The following SNTB2 variants were observed in gnomAD, a reference collection of about 807,000 sequenced individuals.
The protein encoded by SNTB2 is syntrophin beta 2.
In SNTB2, 34 loss-of-function variants were observed where a neutral mutation model predicts 46.2. The ratio of observed to expected loss-of-function variants is 0.74; its 90% confidence interval spans 0.56 to 0.98. The LOEUF is 0.98. SNTB2 is among the 50% of genes least tolerant of loss of function. SNTB2 has a pLI of 0.00. For missense variants in SNTB2, 603 were observed against 731.4 expected (o/e 0.82, Z 2.02); for synonymous variants, 290 against 312.6 (o/e 0.93, Z 0.76).
intron 1 of SNTB2, among the ~76,000 whole-genome samples, chr16:69,189,646 G>A (rs11645913): frequency 0.28 from 41,992 of 151,992 alleles, 6,445 homozygotes; most frequent in African/African-American, 0.4. Flanking sequence ...CTGAGGCAGG[G>A]GAATCGTTTG....
chr16:69,282,484 C>T (rs1965059487), intron 4 of SNTB2, among the ~76,000 whole-genome samples: 1 of 152,044 alleles, frequency 6.6e-6, no homozygotes. Flanking sequence ...GTTTTGATTA[C>T]TGTAGCTTTA....
intron 1 of SNTB2, among the ~76,000 whole-genome samples, chr16:69,221,110 G>A (rs530903701): frequency 2.6e-5 from 4 of 152,140 alleles, no homozygotes; most frequent in African/African-American, 7.2e-5. Flanking sequence ...ATATAGTAAC[G>A]CTTATTGTGG....
At chr16:69,252,372 A>G (rs771379457) in intron 2 of SNTB2, among the ~76,000 whole-genome samples, 8 of 152,168 alleles carry the variant, frequency 5.3e-5, no homozygotes, top group Non-Finnish European at 1.2e-4. Context: ...CTTATTAAAT[A>G]ATGATGAAGT....
intron 1 of SNTB2, among the ~76,000 whole-genome samples, chr16:69,238,105 A>T (rs1251283676): frequency 6.6e-6 from 1 of 152,068 alleles, no homozygotes; most frequent in South Asian, 2.1e-4. Context: ...CGTGGACAAC[A>T]TCAGCAGACT....
intron 1 of SNTB2, among the ~76,000 whole-genome samples, chr16:69,221,417 T>C (rs1964402832): frequency 6.6e-6 from 1 of 152,202 alleles, no homozygotes; most frequent in Non-Finnish European, 1.5e-5. Context: ...CTGTTTTACT[T>C]ATAAGAAACT....
chr16:69,226,386 T>TAA (rs76519163), intron 1 of SNTB2, among the ~76,000 whole-genome samples: 14 of 129,060 alleles, frequency 1.1e-4, no homozygotes, highest in East Asian at 4.4e-4. Context: ...TTCTTAAGAG[T>TAA]AAAAAAAAAA....
chr16:69,216,248 A>G (rs879454271), intron 1 of SNTB2, among the ~76,000 whole-genome samples: 4 of 152,214 alleles, frequency 2.6e-5, no homozygotes, highest in East Asian at 3.8e-4. Flanking sequence ...GAAAATGTCA[A>G]GTTCTGCTGA....
At chr16:69,257,414 CTTAT>C (rs35232643) in intron 2 of SNTB2, among the ~76,000 whole-genome samples, 67,796 of 142,126 alleles carry the variant, frequency 0.48, 16,741 homozygotes, top group African/African-American at 0.6. Flanking sequence ...GTTCATGACT[CTTAT>C]TTATTTATTT....
At chr16:69,279,255 G>A (rs530043736) in intron 4 of SNTB2, among the ~76,000 whole-genome samples, 3 of 152,178 alleles carry the variant, frequency 2.0e-5, no homozygotes, top group African/African-American at 7.2e-5. Flanking sequence ...CATGTAAGTA[G>A]GCTTCATGTA....
intron 1 of SNTB2, among the ~76,000 whole-genome samples, chr16:69,239,053 C>A (rs1567404756): frequency 6.6e-6 from 1 of 152,148 alleles, no homozygotes; most frequent in Admixed American, 6.6e-5. Flanking sequence ...TCCAGTTACT[C>A]TGGGTCTCCT....
Position 69,308,999 on chromosome 16 carries a change from T to TA in SNTB2, c.*8076dup, listed in dbSNP as rs958709583. 1 of 152,354 alleles carries TA rather than the reference T, an allele frequency of 6.6e-6. No homozygotes were observed. Among genetic ancestry groups the TA allele is most frequent in the African/African-American group, 2.4e-5 (1 of 41,374 alleles). 9.4% of individuals were successfully genotyped at this position (152,354 alleles called of 1,614,324 possible). A position where few individuals can be genotyped will look rare whatever the true frequency, so the allele number is the denominator to read the frequency against. On this transcript the variant is annotated 3_prime_UTR_variant, in exon 7 of 7. Coordinates refer to ENST00000336278, the MANE Select transcript of SNTB2 (RefSeq NM_006750.4). ...AACTTAAGGGTATTATATATATAAATACATATATACCTTTGTAACCTTTAT... is the reference window on the plus strand; with the variant it reads ...AACTTAAGGGTATTATATATATAAATAACATATATACCTTTGTAACCTTTAT...
chr16:69,204,502 C>A (rs549513473), intron 1 of SNTB2, among the ~76,000 whole-genome samples: 3 of 152,294 alleles, frequency 2.0e-5, no homozygotes, highest in African/African-American at 4.8e-5. Context: ...GTACCTCAGG[C>A]CTTTCCCAAC....
intron 1 of SNTB2, among the ~76,000 whole-genome samples, chr16:69,231,469 A>G (rs773991552): frequency 2.0e-5 from 3 of 152,074 alleles, no homozygotes; most frequent in Non-Finnish European, 2.9e-5. Context: ...CATGCCTGTA[A>G]TCCCAGCTAC....
At chr16:69,274,210 G>A (rs576236495) in intron 4 of SNTB2, among the ~76,000 whole-genome samples, 1 of 151,768 alleles carries the variant, frequency 6.6e-6, no homozygotes, top group Non-Finnish European at 1.5e-5. Flanking sequence ...TACTTGGGAA[G>A]CTAAGGCAGA....
intron 1 of SNTB2, among the ~76,000 whole-genome samples, chr16:69,232,839 T>C (rs1229799120): frequency 6.6e-6 from 1 of 152,142 alleles, no homozygotes; most frequent in Non-Finnish European, 1.5e-5. Flanking sequence ...ATCCTGAAAT[T>C]TTAATTGCTG....
chr16:69,260,131 C>T lies in SNTB2; in HGVS notation c.876C>T (p.Phe292=), dbSNP rs140258394. ...ATACAGCCACAGCACACTCCTGGTT[C>T]GTAGCTATCCACACCAACATAATGG... The part of the protein sequence containing the change: ...CKDTATAHSW[F]VAIHTNIMAL... Residue 292 remains phenylalanine, a synonymous_variant, in exon 3 of 7, where the codon TTC becomes TTT. Transcript: ENST00000336278. 85 of 1,613,900 alleles carry T rather than the reference C, an allele frequency of 5.3e-5. No homozygotes were observed. The African/African-American group carries it at 8.7e-4, about 16-fold the overall frequency.
intron 1 of SNTB2, chr16:69,191,138 A>T (rs1304162274): frequency 1.3e-5 from 2 of 151,926 alleles, no homozygotes; most frequent in African/African-American, 2.4e-5. Context: ...GTCCGAGTGC[A>T]GTGGTGTTTA....
chr16:69,220,704 A>T (rs981788314), intron 1 of SNTB2, among the ~76,000 whole-genome samples: 3 of 151,920 alleles, frequency 2.0e-5, no homozygotes, highest in Non-Finnish European at 4.4e-5. Context: ...TAATTAAAAA[A>T]AATTTTTTTT....
intron 1 of SNTB2, among the ~76,000 whole-genome samples, chr16:69,216,101 G>A (rs1011346716): frequency 1.3e-5 from 2 of 152,190 alleles, no homozygotes; most frequent in Non-Finnish European, 2.9e-5. Flanking sequence ...ACAGACAGGA[G>A]CCACTGCACC....
Sources: gnomAD v4.1 joint callset for allele counts (sites outside exome capture counted in the v4.1 genomes callset) on GRCh38, gnomAD v4.1.1 for gene constraint, MANE v1.5 for transcripts, NCBI Gene and HGNC (gene_info 2026-07-23, HGNC 2026-07-21) for gene names.